Variants in RNF130 observed in about 807,000 individuals in gnomAD.
The protein encoded by RNF130 is E3 ubiquitin-protein ligase RNF130.
In RNF130, 21 loss-of-function variants were observed where a neutral mutation model predicts 44.6. The ratio of observed to expected loss-of-function variants is 0.47; its 90% CI spans 0.33 to 0.68. RNF130 has a LOEUF of 0.68. Among genes scored for constraint, RNF130 ranks in the 30% least tolerant of loss-of-function variants. The pLI, the probability that RNF130 is intolerant of heterozygous loss-of-function variation, is 0.02. For missense variants in RNF130, 479 were observed against 560.6 expected (o/e 0.85, Z 1.47); for synonymous variants, 214 against 210.4 (o/e 1.02, Z -0.15).
At chr5:180,060,836 G>C (rs971137095) in intron 1 of RNF130, among the ~76,000 whole-genome samples, 1 of 152,112 alleles carries the variant, frequency 6.6e-6, no homozygotes, top group South Asian at 2.1e-4. Context: ...TTGGGAGGCC[G>C]AGGTGGGCGG....
chr5:180,067,967 G>A (rs548034909), intron 1 of RNF130, among the ~76,000 whole-genome samples: 2 of 152,204 alleles, frequency 1.3e-5, no homozygotes, highest in African/African-American at 2.4e-5. Context: ...GAAAACCTAA[G>A]ATTCACTTTT....
At chr5:180,065,132 A>AT (rs1349977781) in intron 1 of RNF130, among the ~76,000 whole-genome samples, 1 of 139,940 alleles carries the variant, frequency 7.1e-6, no homozygotes, top group Non-Finnish European at 1.6e-5. Context: ...TACAGAATGA[A>AT]TTTAAAAAAA....
chr5:180,035,876 T>A (rs780606237), intron 2 of RNF130, among the ~76,000 whole-genome samples: 12 of 152,248 alleles, frequency 7.9e-5, no homozygotes, highest in Non-Finnish European at 1.5e-4. Context: ...TTATGTTCTT[T>A]ACTGAGAATC....
chr5:179,965,864 C>G (rs1329525858), intron 7 of RNF130, among the ~76,000 whole-genome samples: 2 of 152,128 alleles, frequency 1.3e-5, no homozygotes, highest in Non-Finnish European at 2.9e-5. Context: ...ACAGACCACA[C>G]GAGTCTTAAC....
chr5:180,013,414 T>C (rs904148018), intron 2 of RNF130, 103 bp from the exon 3 acceptor site: 8 of 1,063,630 alleles, frequency 7.5e-6, no homozygotes, highest in East Asian at 2.6e-5. Flanking sequence ...TGTCTGGTAA[T>C]GGAAAGGGTA....
intron 8 of RNF130, among the ~76,000 whole-genome samples, chr5:179,957,972 G>A (rs1193958944): frequency 6.6e-6 from 1 of 151,420 alleles, no homozygotes; most frequent in African/African-American, 2.4e-5. Flanking sequence ...CCGCCTCCCG[G>A]GTTCACGCCA....
exon 8 of RNF130, chr5:179,920,341 G>A: frequency 1.4e-6 from 1 of 702,322 alleles, no homozygotes. Context: ...CATCATACAT[G>A]TCCAAAGAAG....
chr5:180,070,138 A>C (rs1415004511), intron 1 of RNF130, among the ~76,000 whole-genome samples: 1 of 152,156 alleles, frequency 6.6e-6, no homozygotes, highest in Non-Finnish European at 1.5e-5. Context: ...AGAGGCTACC[A>C]TTGTTAGTTG....
intron 1 of RNF130, among the ~76,000 whole-genome samples, chr5:180,069,792 C>A (rs1463551406): frequency 1.3e-5 from 2 of 152,224 alleles, no homozygotes; most frequent in African/African-American, 4.8e-5. Context: ...TGCCTCCCCA[C>A]TGAGAGGGGA....
At chr5:180,009,827 A>G (rs1375306927) in intron 3 of RNF130, among the ~76,000 whole-genome samples, 1 of 152,242 alleles carries the variant, frequency 6.6e-6, no homozygotes, top group Non-Finnish European at 1.5e-5. Context: ...TATTTGTAAT[A>G]GCCAAAATCT....
chr5:179,989,161 C>T (rs774114039), intron 3 of RNF130, among the ~76,000 whole-genome samples: 11 of 152,134 alleles, frequency 7.2e-5, no homozygotes, highest in Non-Finnish European at 1.3e-4. Flanking sequence ...AAACGCCAGA[C>T]GCTTATAAAA....
chr5:180,057,164 T>C (rs1278833794), intron 1 of RNF130, among the ~76,000 whole-genome samples: 4 of 152,204 alleles, frequency 2.6e-5, no homozygotes, highest in African/African-American at 9.6e-5. Context: ...GGACTGAAAC[T>C]TTCAGCCCAA....
At chr5:179,937,879 G>T (rs1761915062) in intron 7 of RNF130, among the ~76,000 whole-genome samples, 1 of 148,760 alleles carries the variant, frequency 6.7e-6, no homozygotes, top group Admixed American at 6.8e-5. Context: ...AAAAAATGAA[G>T]TGTTGACATA....
chr5:179,975,287 A>G (rs1246962786), intron 5 of RNF130, among the ~76,000 whole-genome samples: 1 of 152,204 alleles, frequency 6.6e-6, no homozygotes, highest in African/African-American at 2.4e-5. Context: ...AGGCTTGAAG[A>G]GCCGCGCACA....
intron 3 of RNF130, among the ~76,000 whole-genome samples, chr5:179,992,781 T>G (rs1763115801): frequency 1.3e-5 from 2 of 152,182 alleles, no homozygotes; most frequent in African/African-American, 4.8e-5. Flanking sequence ...ACGTGCAGGT[T>G]TGTTACATAT....
At chr5:179,933,950 G>C in intron 7 of RNF130, 1 of 436,972 alleles carries the variant, frequency 2.3e-6, no homozygotes, top group South Asian at 2.2e-5. Context: ...CTAGATCTTT[G>C]AGCTGCACCT....
chr5:180,019,333 G>A (rs912909772), intron 2 of RNF130, among the ~76,000 whole-genome samples: 3 of 150,618 alleles, frequency 2.0e-5, no homozygotes, highest in South Asian at 2.1e-4. Flanking sequence ...GCAGTGAGCC[G>A]AGATCACGCC....
exon 8 of RNF130, chr5:179,913,959 C>T (rs1420506958): frequency 2.6e-5 from 4 of 152,256 alleles, no homozygotes; most frequent in African/African-American, 9.7e-5. Flanking sequence ...AAGGAGCAGA[C>T]ATAGGCACCT....
At chr5:180,013,381 C>T (rs899799614) in intron 2 of RNF130, 70 bp from the exon 3 acceptor site, 76 of 1,348,294 alleles carry the variant, frequency 5.6e-5, no homozygotes, top group Non-Finnish European at 5.4e-5. Flanking sequence ...TGTATCAACA[C>T]GCTACTTAGG....
Sources: gnomAD v4.1 joint callset for allele counts (sites outside exome capture counted in the v4.1 genomes callset) on GRCh38, gnomAD v4.1.1 for gene constraint, MANE v1.5 for transcripts, NCBI Gene and HGNC (gene_info 2026-07-23, HGNC 2026-07-21) for gene names.